KIAA1671: variants seen among roughly 807,000 people sequenced by gnomAD.
KIAA1671 encodes uncharacterized protein KIAA1671.
In KIAA1671, 52 loss-of-function variants were observed where a neutral mutation model predicts 131.2. That is an observed-to-expected ratio of 0.40 (90% CI 0.32 to 0.50). The LOEUF (loss-of-function observed/expected upper bound fraction) is 0.50. KIAA1671 is among the 20% of genes least tolerant of loss of function. The pLI is 0.73. For missense variants in KIAA1671, 2,360 were observed against 2,364.2 expected (o/e 1.00, Z 0.04); for synonymous variants, 1,003 against 961.6 (o/e 1.04, Z -0.80).
chr22:24,994,744 T>G, intron 1 of KIAA1671, among the ~76,000 whole-genome samples: 1 of 152,126 alleles, frequency 6.6e-6, no homozygotes, highest in South Asian at 2.1e-4. Context: ...AGGCGACTCT[T>G]TAGGCATGTA....
rs896239875 is a variant in KIAA1671, at chr22:25,029,088, G to T, written c.1089G>T (p.Glu363Asp). 6.7e-7 allele frequency: 1 copy of T among 1,493,914 alleles called. No homozygotes were observed. The highest frequency in any genetic ancestry group is 1.4e-5 in the African/African-American group (1 of 71,392). The allele number at this position is 1,493,914 out of a possible 1,614,324, so 92.5% of individuals were successfully genotyped here. ...AGGAGAAGATGCTTTCGAAGCCGGAGATGGGCAGCCCCAGAGCCCTGGTGG... is the reference window on the plus strand; with the variant it reads ...AGGAGAAGATGCTTTCGAAGCCGGATATGGGCAGCCCCAGAGCCCTGGTGG... The part of the protein sequence containing the change: ...ERKEKMLSKP[E>D]MGSPRALVGG... Residue 363 changes from glutamate (E) to aspartate (D), a missense_variant, in exon 3 of 13, where the codon GAG becomes GAT. Transcript: ENST00000358431.
At chr22:25,174,649 C>A (rs1423329604) in intron 8 of KIAA1671, 160 bp downstream of exon 8, 2 of 751,956 alleles carry the variant, frequency 2.7e-6, no homozygotes, top group Non-Finnish European at 4.1e-6. Flanking sequence ...TATCTTGGAC[C>A]TGCCATACAC....
At chr22:25,036,776 T>A (rs1926621441) in intron 4 of KIAA1671, among the ~76,000 whole-genome samples, 1 of 151,516 alleles carries the variant, frequency 6.6e-6, no homozygotes, top group Non-Finnish European at 1.5e-5. Flanking sequence ...AAAAAAAAAT[T>A]AGCCAGGCGT....
chr22:25,034,755 T>C (rs982458281), intron 4 of KIAA1671, among the ~76,000 whole-genome samples: 5 of 152,042 alleles, frequency 3.3e-5, no homozygotes, highest in African/African-American at 1.2e-4. Flanking sequence ...TTTTCATTTT[T>C]GAGATGGAGT....
Position 25,045,325 on chromosome 22 carries a change from A to G in KIAA1671, c.4395+3800A>G, listed in dbSNP as rs374337057. 1.4e-3 allele frequency among the ~76,000 whole-genome samples: 217 copies of G among 152,214 alleles called. 1 individual carries two copies. The highest frequency in any genetic ancestry group is 0.014 in the Middle Eastern group (4 of 294). On this transcript the variant is annotated intron_variant, in intron 5 of 12. Coordinates refer to ENST00000358431, the MANE Select transcript of KIAA1671 (RefSeq NM_001145206.2). ...CTGGGGCACATTTGGCAGTGTCTGG[A>G]GACATATTTTGTTGTTGTCACACCC...
intron 1 of KIAA1671, among the ~76,000 whole-genome samples, chr22:24,968,097 C>T (rs919452737): frequency 3.3e-5 from 5 of 152,156 alleles, no homozygotes; most frequent in African/African-American, 7.2e-5. Context: ...AGATTTAACT[C>T]GAGAAAGGCA....
intron 9 of KIAA1671, among the ~76,000 whole-genome samples, chr22:25,178,856 C>T (rs1383849803): frequency 6.6e-6 from 1 of 151,232 alleles, no homozygotes; most frequent in Non-Finnish European, 1.5e-5. Context: ...CCCCCGTTGC[C>T]CCTCCCTCAT....
chr22:25,142,234 C>G (rs16979646), intron 6 of KIAA1671, among the ~76,000 whole-genome samples: 11,227 of 152,220 alleles, frequency 0.074, 1,343 homozygotes, highest in African/African-American at 0.25. Flanking sequence ...GAAATCCATC[C>G]TGGTTGATAC....
At chr22:24,959,174 C>T (rs1921883559) in intron 1 of KIAA1671, among the ~76,000 whole-genome samples, 1 of 150,898 alleles carries the variant, frequency 6.6e-6, no homozygotes, top group South Asian at 2.1e-4. Flanking sequence ...TAAATAAATA[C>T]ATAAATACAT....
intron 6 of KIAA1671, among the ~76,000 whole-genome samples, chr22:25,082,112 T>C (rs1414738548): frequency 6.6e-6 from 1 of 152,030 alleles, no homozygotes; most frequent in Non-Finnish European, 1.5e-5. Flanking sequence ...AGGACTCAGA[T>C]TTGGGGGTTT....
intron 1 of KIAA1671, among the ~76,000 whole-genome samples, chr22:24,958,544 G>A (rs1009873061): frequency 6.6e-6 from 1 of 151,912 alleles, no homozygotes; most frequent in East Asian, 1.9e-4. Context: ...CCAGCTACTC[G>A]GGAGGCTGAG....
chr22:24,959,194 A>G (rs1921884864), intron 1 of KIAA1671, among the ~76,000 whole-genome samples: 1 of 151,676 alleles, frequency 6.6e-6, no homozygotes, highest in African/African-American at 2.4e-5. Context: ...TAAAAATTTA[A>G]AAAATTAAAA....
chr22:25,007,478 C>T lies in KIAA1671; in HGVS notation c.-207-18155C>T, dbSNP rs563777957. On this transcript the variant is annotated intron_variant, in intron 1 of 12. Coordinates refer to ENST00000358431, the MANE Select transcript of KIAA1671 (RefSeq NM_001145206.2). ...TCCAGCCTGGTGACAGAGTGAGACT[C>T]GGTCTCAAAAAGCAAGGGAAAAAAA... 7.4e-5 allele frequency among the ~76,000 whole-genome samples: 11 copies of T among 148,856 alleles called. No homozygotes were observed. The East Asian group carries it at 1.6e-3, about 21-fold the overall frequency.
intron 1 of KIAA1671, among the ~76,000 whole-genome samples, chr22:24,965,740 CA>C (rs767916092): frequency 0.036 from 1,659 of 45,884 alleles, 19 homozygotes; most frequent in African/African-American, 0.11. Context: ...AACTCCATCT[CA>C]AAAAAAAAAA....
chr22:25,147,083 C>T (rs990573242), intron 6 of KIAA1671, among the ~76,000 whole-genome samples: 2 of 152,136 alleles, frequency 1.3e-5, no homozygotes, highest in African/African-American at 2.4e-5. Context: ...GATGCTCCAC[C>T]CCCTTCCTTG....
At chr22:25,075,146 C>T (rs1301811399) in intron 6 of KIAA1671, among the ~76,000 whole-genome samples, 1 of 152,102 alleles carries the variant, frequency 6.6e-6, no homozygotes, top group African/African-American at 2.4e-5. Flanking sequence ...GGTGATTTTC[C>T]CCTGCAAGGG....
At chr22:25,155,191 A>G (rs565140099) in intron 6 of KIAA1671, among the ~76,000 whole-genome samples, 15 of 152,264 alleles carry the variant, frequency 9.9e-5, no homozygotes, top group Middle Eastern at 6.8e-3. Flanking sequence ...TTCAATTTCT[A>G]CCTTCTGAAG....
At chr22:25,000,618 A>G (rs1284257662) in intron 1 of KIAA1671, among the ~76,000 whole-genome samples, 2 of 145,638 alleles carry the variant, frequency 1.4e-5, no homozygotes, top group Admixed American at 6.8e-5. Context: ...CTGGGTTCAA[A>G]CTATTCTCAT....
At chr22:25,133,658 T>A (rs1932548693) in intron 6 of KIAA1671, among the ~76,000 whole-genome samples, 1 of 152,216 alleles carries the variant, frequency 6.6e-6, no homozygotes, top group South Asian at 2.1e-4. Context: ...CCCTCCTGCC[T>A]CAGCTTCCCG....
Sources: allele counts gnomAD v4.1 joint callset (sites outside exome capture counted in the v4.1 genomes callset), GRCh38; gene constraint gnomAD v4.1.1; transcripts MANE v1.5; gene names NCBI Gene and HGNC (gene_info 2026-07-23, HGNC 2026-07-21).